The following GPBP1 variants were observed in gnomAD, a reference collection of about 807,000 sequenced individuals.
GPBP1 encodes the protein vasculin.
In GPBP1, 13 loss-of-function variants were observed where a neutral mutation model predicts 56.5. That is an observed-to-expected ratio of 0.23 (90% confidence interval 0.15 to 0.37). The LOEUF is 0.37. Among genes scored for constraint, GPBP1 ranks in the 10% least tolerant of loss-of-function variants. The pLI, the probability that GPBP1 is intolerant of heterozygous loss-of-function variation, is 1.00. For synonymous variants in GPBP1, 204 were observed against 188.9 expected (o/e 1.08, Z -0.66); for missense variants, 477 against 572.3 (o/e 0.83, Z 1.70).
At chr5:57,232,129 T>G (rs1388756668) in intron 5 of GPBP1, among the ~76,000 whole-genome samples, 1 of 152,150 alleles carries the variant, frequency 6.6e-6, no homozygotes, top group East Asian at 1.9e-4. Context: ...CTCTCTTGTC[T>G]CAGCCTCTTG....
chr5:57,226,192 A>G (rs150811900), intron 3 of GPBP1, among the ~76,000 whole-genome samples: 14 of 152,342 alleles, frequency 9.2e-5, no homozygotes, highest in South Asian at 4.1e-4. Flanking sequence ...TGTTAATGAA[A>G]GACACCAACA....
intron 2 of GPBP1, among the ~76,000 whole-genome samples, chr5:57,199,519 G>A (rs1754905749): frequency 6.6e-6 from 1 of 151,858 alleles, no homozygotes; most frequent in East Asian, 1.9e-4. Flanking sequence ...ATTGCTACCA[G>A]ATTTCTTTTC....
intron 2 of GPBP1, among the ~76,000 whole-genome samples, chr5:57,191,471 C>G (rs1036253567): frequency 2.6e-5 from 4 of 151,666 alleles, no homozygotes; most frequent in African/African-American, 9.7e-5. Flanking sequence ...AAAAATTTCC[C>G]CAATTTTGAA....
intron 7 of GPBP1, 88 bp downstream of exon 7, chr5:57,246,572 G>T: frequency 5.5e-6 from 6 of 1,087,650 alleles, no homozygotes; most frequent in Non-Finnish European, 7.8e-6. Flanking sequence ...TTTAAAGTGT[G>T]TATGGAGGTA....
intron 5 of GPBP1, among the ~76,000 whole-genome samples, chr5:57,234,576 A>G (rs1210694800): frequency 1.3e-5 from 2 of 150,872 alleles, no homozygotes; most frequent in African/African-American, 4.9e-5. Context: ...ATTATCTACA[A>G]AGTTTTTATT....
At chr5:57,181,618 G>A (rs1754054336) in intron 2 of GPBP1, among the ~76,000 whole-genome samples, 3 of 151,688 alleles carry the variant, frequency 2.0e-5, no homozygotes, top group South Asian at 4.2e-4. Context: ...GGGGCGGTGC[G>A]GGGGCAGGGA....
chr5:57,230,628 A>ACT (rs924624181), intron 3 of GPBP1: 1 of 524,754 alleles, frequency 1.9e-6, no homozygotes, highest in African/African-American at 1.9e-5. Context: ...AAGATGTCGA[A>ACT]CTCTAAGCAC....
At chr5:57,175,346 A>G (rs1040046590) in intron 1 of GPBP1, 102 bp from the exon 2 acceptor site, 20 of 389,218 alleles carry the variant, frequency 5.1e-5, no homozygotes, top group East Asian at 3.3e-4. Context: ...AGGGTTATAT[A>G]GAAGTGATTT....
intron 10 of GPBP1, among the ~76,000 whole-genome samples, chr5:57,258,327 CAT>C (rs777600592): frequency 3.4e-4 from 52 of 152,116 alleles, no homozygotes; most frequent in African/African-American, 9.7e-4. Context: ...GCGTGAAACT[CAT>C]AGAGTGTACT....
intron 2 of GPBP1, among the ~76,000 whole-genome samples, chr5:57,202,536 G>GT (rs1755064578): frequency 6.6e-6 from 1 of 152,122 alleles, no homozygotes; most frequent in African/African-American, 2.4e-5. Flanking sequence ...TGATCAGCCT[G>GT]TTTCAGCCTC....
intron 3 of GPBP1, among the ~76,000 whole-genome samples, chr5:57,229,947 C>CGTCCCGTCCCGTCCT (rs1554070411): frequency 2.2e-5 from 3 of 138,448 alleles, no homozygotes; most frequent in South Asian, 2.1e-4. Context: ...CATCGCGTCC[C>CGTCCCGTCCCGTCCT]GTCCCGTCCC....
chr5:57,179,699 G>A (rs1753956318), intron 2 of GPBP1, among the ~76,000 whole-genome samples: 1 of 152,098 alleles, frequency 6.6e-6, no homozygotes. Context: ...CCCGGTTCAA[G>A]CGATTCTCCT....
At chr5:57,214,824 T>C (rs1755637646) in intron 3 of GPBP1, among the ~76,000 whole-genome samples, 1 of 152,060 alleles carries the variant, frequency 6.6e-6, no homozygotes, top group Non-Finnish European at 1.5e-5. Context: ...CCTGACTAAT[T>C]TTTGTATTTT....
At position 57,247,295 on chromosome 5, in the gene GPBP1, A is replaced by G. The variant is rs769347290; in HGVS notation, c.804+80A>G. On this transcript the variant is annotated intron_variant, in intron 8 of 11. Transcript: ENST00000506184. Reference sequence around the variant, plus strand: ...AACAGTGAATAAAAGGTAGAAATTCATTAAATGAATACATTAAAATGAGTT... The same window carrying G: ...AACAGTGAATAAAAGGTAGAAATTCGTTAAATGAATACATTAAAATGAGTT... The G allele has an allele frequency of 1.4e-5, 15 of 1,096,858 alleles. No homozygotes were observed. In the Admixed American group the frequency reaches 1.4e-4, roughly 10 times the overall value. The allele number at this position is 1,096,858 out of a possible 1,614,324, so 67.9% of individuals were successfully genotyped here. A position where few individuals can be genotyped will look rare whatever the true frequency, so the allele number is the denominator to read the frequency against.
intron 6 of GPBP1, among the ~76,000 whole-genome samples, chr5:57,241,079 G>A (rs1740804992): frequency 1.3e-5 from 2 of 152,262 alleles, no homozygotes; most frequent in East Asian, 1.9e-4. Flanking sequence ...AAATGAAGGA[G>A]ATTCTAGTTG....
chr5:57,239,091 ATTCTG>A (rs1244088937), intron 6 of GPBP1, among the ~76,000 whole-genome samples: 1 of 152,218 alleles, frequency 6.6e-6, no homozygotes, highest in Non-Finnish European at 1.5e-5. Flanking sequence ...TTTTGACAGT[ATTCTG>A]TTGATGAATT....
chr5:57,262,979 A>C lies in GPBP1; in HGVS notation c.*227A>C. ...AGGAATGAGGACTTGGGTTGGTCCA[A>C]CATTGACTTTCTTCATCACTGCAAC... On this transcript the variant is annotated 3_prime_UTR_variant, in exon 12 of 12. Transcript: ENST00000506184. 2.7e-6 allele frequency: 1 copy of C among 373,008 alleles called. No individual in the cohort carries two copies. The highest frequency in any genetic ancestry group is 4.2e-5 in the East Asian group (1 of 23,580). 23.1% of individuals were successfully genotyped at this position (373,008 alleles called of 1,614,324 possible). A position where few individuals can be genotyped will look rare whatever the true frequency, so the allele number is the denominator to read the frequency against.
chr5:57,199,869 G>A (rs943553765), intron 2 of GPBP1, among the ~76,000 whole-genome samples: 14 of 151,324 alleles, frequency 9.3e-5, no homozygotes, highest in African/African-American at 3.1e-4. Context: ...TATATTAAGT[G>A]GTGTTTGGTT....
chr5:57,193,680 G>T (rs1260650662), intron 2 of GPBP1, among the ~76,000 whole-genome samples: 1 of 150,458 alleles, frequency 6.6e-6, no homozygotes, highest in Admixed American at 6.6e-5. Context: ...CTGGTTCGTA[G>T]GATTAGGCGT....
Sources: allele counts gnomAD v4.1 joint callset (sites outside exome capture counted in the v4.1 genomes callset), GRCh38; gene constraint gnomAD v4.1.1; transcripts MANE v1.5; gene names NCBI Gene and HGNC (gene_info 2026-07-23, HGNC 2026-07-21).